Variants in ULK4 observed in about 807,000 individuals in gnomAD.
The protein encoded by ULK4 is unc-51 like kinase 4.
ULK4 carries 133 observed loss-of-function variants against 160.6 expected under a neutral mutation model. The ratio of observed to expected loss-of-function variants is 0.83; its 90% CI spans 0.72 to 0.96. The LOEUF is 0.96. Ranked by LOEUF, ULK4 falls within the 40% of genes least tolerant of loss-of-function variation. The pLI, the probability that ULK4 is intolerant of heterozygous loss-of-function variation, is 0.00. For synonymous variants in ULK4, 534 were observed against 539.8 expected, an observed-to-expected ratio of 0.99 and a Z score of 0.15; for missense variants, 1,580 against 1,499.5, an observed-to-expected ratio of 1.05 and a Z score of -0.89.
intron 17 of ULK4, among the ~76,000 whole-genome samples, chr3:41,858,134 G>GTTT (rs1291174630): frequency 9.2e-6 from 1 of 108,818 alleles, no homozygotes; most frequent in African/African-American, 4.5e-5. Context: ...ATCCCATAGG[G>GTTT]TTTTTTTTGT....
intron 17 of ULK4, among the ~76,000 whole-genome samples, chr3:41,862,698 G>C (rs1222330128): frequency 2.6e-5 from 4 of 151,904 alleles, no homozygotes; most frequent in African/African-American, 9.7e-5. Context: ...GAATTCTCTA[G>C]ATCACCAGGC....
intron 30 of ULK4, among the ~76,000 whole-genome samples, chr3:41,644,335 T>C (rs578004688): frequency 4.6e-5 from 7 of 152,054 alleles, no homozygotes; most frequent in Admixed American, 2.6e-4. Flanking sequence ...GGGTTTGTCA[T>C]AGATAGCTCT....
intron 35 of ULK4, among the ~76,000 whole-genome samples, chr3:41,379,170 A>T (rs981657266): frequency 3.3e-5 from 5 of 151,972 alleles, no homozygotes; most frequent in Admixed American, 3.3e-4. Flanking sequence ...AAACCTGCAC[A>T]TTCTGTACAT....
chr3:41,819,872 G>A (rs368064719), intron 18 of ULK4, among the ~76,000 whole-genome samples: 1 of 152,088 alleles, frequency 6.6e-6, no homozygotes, highest in African/African-American at 2.4e-5. Context: ...TACATTATCT[G>A]GAATGATTTG....
chr3:41,680,754 G>A (rs1471631992), intron 29 of ULK4, among the ~76,000 whole-genome samples: 1 of 152,166 alleles, frequency 6.6e-6, no homozygotes, highest in Non-Finnish European at 1.5e-5. Context: ...GACCCAGACT[G>A]CGGCCCAGGC....
At chr3:41,896,408 C>T (rs1270291909) in intron 15 of ULK4, among the ~76,000 whole-genome samples, 3 of 152,122 alleles carry the variant, frequency 2.0e-5, no homozygotes, top group African/African-American at 7.2e-5. Context: ...GAGTGCACTG[C>T]CACACCCAGC....
intron 35 of ULK4, among the ~76,000 whole-genome samples, chr3:41,255,129 TACACACACACACACAC>T (rs369404667): frequency 1.4e-5 from 2 of 144,176 alleles, no homozygotes; most frequent in African/African-American, 2.6e-5. Context: ...AAATTATGGC[TACACACACACACACAC>T]ACACACACAC....
chr3:41,936,052 C>T (rs1000375762), intron 3 of ULK4, 112 bp from the exon 4 acceptor site: 10 of 1,370,718 alleles, frequency 7.3e-6, no homozygotes, highest in African/African-American at 1.5e-5. Context: ...AGACAGTAAA[C>T]GCTGACAGCC....
chr3:41,402,769 T>A (rs1382855070), intron 34 of ULK4, among the ~76,000 whole-genome samples: 2 of 152,096 alleles, frequency 1.3e-5, no homozygotes, highest in African/African-American at 4.8e-5. Context: ...TGCTGAGGAG[T>A]TTTGTGTTTA....
At chr3:41,568,370 T>C (rs543943246) in intron 31 of ULK4, among the ~76,000 whole-genome samples, 34 of 152,312 alleles carry the variant, frequency 2.2e-4, no homozygotes, top group African/African-American at 8.2e-4. Flanking sequence ...TTTAAAGAAG[T>C]AGACATATGT....
chr3:41,461,799 T>C (rs758434954), intron 33 of ULK4, among the ~76,000 whole-genome samples: 13 of 152,188 alleles, frequency 8.5e-5, no homozygotes, highest in Middle Eastern at 3.2e-3. Flanking sequence ...CTTTTACAGA[T>C]TGTCATCAAG....
chr3:41,371,916 C>T (rs1485566560), intron 35 of ULK4, among the ~76,000 whole-genome samples: 2 of 151,868 alleles, frequency 1.3e-5, no homozygotes, highest in Non-Finnish European at 2.9e-5. Context: ...AGAGGAATTG[C>T]TAACTAAAAT....
chr3:41,789,668 TG>T lies in ULK4; in HGVS notation c.2185del (p.Gln729LysfsTer32). 6.4e-7 allele frequency: 1 copy of T among 1,568,348 alleles called. No individual in the cohort carries two copies. Among genetic ancestry groups the T allele is most frequent in the East Asian group, 2.4e-5 (1 of 42,410 alleles). On this transcript the variant is annotated frameshift_variant, in exon 21 of 37. Transcript: ENST00000301831. LOFTEE classifies it high-confidence loss of function. ...GTAAAATCTAAGTCAAACCTTTTCTTGGATTAGTCTTTGAAGATGAATCCCA... is the reference window on the plus strand; with the variant it reads ...GTAAAATCTAAGTCAAACCTTTTCTTGATTAGTCTTTGAAGATGAATCCCA... ...SCGIHLQRLI[Q>X]EKGFVSTIIR...
chr3:41,512,193 G>T (rs1201722419), intron 32 of ULK4, among the ~76,000 whole-genome samples: 1 of 152,164 alleles, frequency 6.6e-6, no homozygotes, highest in African/African-American at 2.4e-5. Flanking sequence ...GGGAAAAGTT[G>T]AAAGCATTCC....
chr3:41,853,433 G>A (rs2125675689), intron 17 of ULK4, among the ~76,000 whole-genome samples: 1 of 152,228 alleles, frequency 6.6e-6, no homozygotes, highest in Admixed American at 6.5e-5. Flanking sequence ...AAAATAGAGA[G>A]CATTAAGACT....
rs149190463 is a variant in ULK4, at chr3:41,371,753, A to C, written c.3678+26326T>G. ...AATGCCTATTCTCCAAATGATCATA[A>C]CTCCTCGCCAGTGAGGAAACAAAAC... is the stretch of plus-strand genomic sequence containing the variant. On this transcript the variant is annotated intron_variant, in intron 35 of 36. Coordinates refer to ENST00000301831, the MANE Select transcript of ULK4 (RefSeq NM_017886.4). Among the ~76,000 whole-genome samples, 658 of 151,944 alleles carry C rather than the reference A, an allele frequency of 4.3e-3. 6 individuals are homozygous for C. The highest frequency in any genetic ancestry group is 0.015 in the African/African-American group (630 of 41,424).
At chr3:41,559,725 T>G (rs928367084) in intron 32 of ULK4, among the ~76,000 whole-genome samples, 11 of 152,196 alleles carry the variant, frequency 7.2e-5, no homozygotes, top group Admixed American at 4.6e-4. Context: ...ATGGAGTTGT[T>G]TATTTTCTTG....
chr3:41,437,431 A>G (rs1227416127), intron 34 of ULK4, among the ~76,000 whole-genome samples: 1 of 152,192 alleles, frequency 6.6e-6, no homozygotes, highest in Admixed American at 6.5e-5. Context: ...CACTATGTAG[A>G]TATTTCTCTC....
At chr3:41,265,165 C>T (rs2079008341) in intron 35 of ULK4, among the ~76,000 whole-genome samples, 1 of 152,242 alleles carries the variant, frequency 6.6e-6, no homozygotes, top group South Asian at 2.1e-4. Flanking sequence ...GAGCCTCAGT[C>T]AGGAGGGCAG....
Sources: gnomAD v4.1 joint callset for allele counts (sites outside exome capture counted in the v4.1 genomes callset) on GRCh38, gnomAD v4.1.1 for gene constraint, MANE v1.5 for transcripts, NCBI Gene and HGNC (gene_info 2026-07-23, HGNC 2026-07-21) for gene names.